The following ZDHHC13 variants were observed in gnomAD, a reference collection of about 807,000 sequenced individuals.
ZDHHC13 encodes the protein zDHHC palmitoyltransferase 13.
A neutral mutation model predicts 86.0 loss-of-function variants in ZDHHC13; 85 were observed. The ratio of observed to expected loss-of-function variants is 0.99; its 90% CI spans 0.83 to 1.18. The LOEUF is 1.18. ZDHHC13 is among the 50% of genes most tolerant of loss of function. ZDHHC13 has a pLI of 0.00. For missense variants in ZDHHC13, 711 were observed against 730.2 expected, an observed-to-expected ratio of 0.97 and a Z score of 0.30; for synonymous variants, 263 against 246.4, an observed-to-expected ratio of 1.07 and a Z score of -0.63.
intron 2 of ZDHHC13, 58 bp from the exon 3 acceptor site, chr11:19,146,123 T>G: frequency 6.7e-7 from 1 of 1,492,056 alleles, no homozygotes; most frequent in Non-Finnish European, 9.0e-7. Flanking sequence ...GTGAAGAAAT[T>G]TTGATATTTG....
intron 1 of ZDHHC13, among the ~76,000 whole-genome samples, chr11:19,126,342 C>CTT (rs10629803): frequency 0.59 from 79,380 of 135,424 alleles, 24,734 homozygotes; most frequent in Non-Finnish European, 0.69. Context: ...TTTTCTTTTT[C>CTT]TTTTTTTTTT....
At chr11:19,135,509 A>G (rs1230265370) in intron 1 of ZDHHC13, among the ~76,000 whole-genome samples, 2 of 152,334 alleles carry the variant, frequency 1.3e-5, no homozygotes, top group East Asian at 1.9e-4. Context: ...GGCGCCCGCC[A>G]TTGCCCAGGC....
intron 10 of ZDHHC13, 75 bp downstream of exon 10, chr11:19,159,115 G>T (rs1318947868): frequency 1.1e-5 from 12 of 1,116,458 alleles, no homozygotes; most frequent in Non-Finnish European, 1.5e-5. Flanking sequence ...TAGGAATTTA[G>T]GTATTGGAAA....
intron 1 of ZDHHC13, among the ~76,000 whole-genome samples, chr11:19,135,832 G>A (rs1015060802): frequency 9.2e-5 from 14 of 152,174 alleles, no homozygotes; most frequent in African/African-American, 2.7e-4. Flanking sequence ...TCACATGGCC[G>A]GGTACTCCAA....
chr11:19,162,872 C>A (rs1849951035), intron 10 of ZDHHC13, among the ~76,000 whole-genome samples: 1 of 152,098 alleles, frequency 6.6e-6, no homozygotes, highest in Non-Finnish European at 1.5e-5. Flanking sequence ...TGTCTTTCTG[C>A]AAACATGTAT....
intron 8 of ZDHHC13, among the ~76,000 whole-genome samples, chr11:19,154,272 G>T (rs1226499757): frequency 6.6e-6 from 1 of 152,058 alleles, no homozygotes; most frequent in Non-Finnish European, 1.5e-5. Context: ...AATGAATAGG[G>T]CAGCTTGTCT....
In ZDHHC13 at chr11:19,159,033, T is replaced by A. The variant is rs1255511288; in HGVS notation, c.1101T>A (p.Phe367Leu). The change falls in exon 10 of 17, where the codon TTT (phenylalanine) becomes TTA (leucine). Residue 367 changes from phenylalanine (F) to leucine (L), a missense_variant. Phe to Leu is a conservative substitution (Grantham distance 22, BLOSUM62 0). Transcript: ENST00000446113. ...TATTTATGACTTGGTTCATCTTATT[T>A]TTTCCTGATATCCTTTAAGCATCAA... is the stretch of plus-strand genomic sequence containing the variant. ...FWIFMTWFIL[F>L]FPDLAGAPFY... 2.6e-6 allele frequency: 4 copies of A among 1,545,076 alleles called. No individual in the cohort carries two copies. In the African/African-American group the frequency reaches 5.5e-5, roughly 21 times the overall value.
In ZDHHC13 at chr11:19,173,813, C is replaced by A. The variant is rs143377611; in HGVS notation, c.1730+993C>A. Reference sequence around the variant, plus strand: ...GATAGAGTTGGAATTTGAAGCTGAGCCTTGAGAGATGTGGGGCAGGGCACA... The same window carrying A: ...GATAGAGTTGGAATTTGAAGCTGAGACTTGAGAGATGTGGGGCAGGGCACA... On this transcript the variant is annotated intron_variant, in intron 16 of 16. Transcript: ENST00000446113. Among the ~76,000 whole-genome samples the A allele has an allele frequency of 6.8e-3, 1,034 of 152,194 alleles. 12 individuals carry two copies. Among genetic ancestry groups the A allele is most frequent in the African/African-American group, 0.023 (973 of 41,510 alleles).
Position 19,117,318 on chromosome 11 carries a change from G to A in ZDHHC13, c.27+42G>A. Reference sequence around the variant, plus strand: ...GGTGGCTGTCCTGGGGGCCGGGAGAGCGGCTGCAGCTGTGGAGGAAAGGAT... The same window carrying A: ...GGTGGCTGTCCTGGGGGCCGGGAGAACGGCTGCAGCTGTGGAGGAAAGGAT... On this transcript the variant is annotated intron_variant, in intron 1 of 16. Coordinates refer to ENST00000446113, the MANE Select transcript of ZDHHC13 (RefSeq NM_019028.3). The surrounding 1 kb of genome is among the most constrained non-coding windows in gnomAD (Gnocchi z 4.2). The A allele has an allele frequency of 2.1e-6, 3 of 1,438,468 alleles. No individual in the cohort carries two copies. The highest frequency in any genetic ancestry group is 2.7e-6 in the Non-Finnish European group (3 of 1,096,004). 89.1% of individuals were successfully genotyped at this position (1,438,468 alleles called of 1,614,324 possible).
At chr11:19,163,466 T>C (rs879164842) in intron 11 of ZDHHC13, 39 bp downstream of exon 11, 1 of 1,543,880 alleles carries the variant, frequency 6.5e-7, no homozygotes, top group Non-Finnish European at 8.7e-7. Context: ...AATAGGAGGG[T>C]TTGTAAACTT....
intron 16 of ZDHHC13, among the ~76,000 whole-genome samples, chr11:19,175,478 T>TAATC (rs1444313717): frequency 1.4e-5 from 2 of 147,830 alleles, no homozygotes; most frequent in East Asian, 4.1e-4. Context: ...GCCTTTGAGG[T>TAATC]AATCAAGGTC....
At chr11:19,137,519 G>A (rs1385391039) in intron 1 of ZDHHC13, among the ~76,000 whole-genome samples, 1 of 151,350 alleles carries the variant, frequency 6.6e-6, no homozygotes, top group Non-Finnish European at 1.5e-5. Flanking sequence ...GAGACAGAAA[G>A]TCAACAAGGA....
Position 19,117,183 on chromosome 11 carries a change from C to T in ZDHHC13, c.-67C>T. ...AAGTGGGAGAAGAGGCGACCCAAGG[C>T]GGGCTGGCGGGCTGGCGGCAGTCGC... On this transcript the variant is annotated 5_prime_UTR_variant, in exon 1 of 17. Transcript: ENST00000446113. This position sits in a 1 kb window ranked among gnomAD's most constrained non-coding sequence, Gnocchi z 4.2. 8 of 1,512,286 alleles carry T rather than the reference C, an allele frequency of 5.3e-6. No homozygotes were observed. The highest frequency in any genetic ancestry group is 7.1e-6 in the Non-Finnish European group (8 of 1,127,218). The allele number at this position is 1,512,286 out of a possible 1,614,324, so 93.7% of individuals were successfully genotyped here.
intron 1 of ZDHHC13, among the ~76,000 whole-genome samples, chr11:19,138,117 T>A (rs1156699486): frequency 2.0e-5 from 3 of 151,844 alleles, no homozygotes; most frequent in Non-Finnish European, 4.4e-5. Flanking sequence ...AATTAATGAA[T>A]ACAGGAGCTG....
Position 19,175,885 on chromosome 11 carries a change from C to G in ZDHHC13, c.1794C>G (p.Pro598=), listed in dbSNP as rs768712498. Residue 598 remains proline (P), a synonymous_variant, in exon 17 of 17, where the codon CCC becomes CCG. Coordinates refer to ENST00000446113, the MANE Select transcript of ZDHHC13 (RefSeq NM_019028.3). ...GTGGCTGCTTTGGCTTGGTGAAGCC[C>G]TGTGTGGTAGATTGGACATCACAGT... ...FQCGCFGLVK[P]CVVDWTSQYT... 1 of 1,613,682 alleles carries G rather than the reference C, an allele frequency of 6.2e-7. No individual in the cohort carries two copies. The highest frequency in any genetic ancestry group is 8.5e-7 in the Non-Finnish European group (1 of 1,179,784).
intron 1 of ZDHHC13, among the ~76,000 whole-genome samples, chr11:19,129,908 C>A (rs753883021): frequency 8.6e-5 from 13 of 151,978 alleles, no homozygotes; most frequent in African/African-American, 3.1e-4. Context: ...CTGGCTAACA[C>A]GGTGAAACCC....
chr11:19,135,421 T>C (rs568437073), intron 1 of ZDHHC13, among the ~76,000 whole-genome samples: 1 of 152,338 alleles, frequency 6.6e-6, no homozygotes, highest in South Asian at 2.1e-4. Flanking sequence ...CGGAGGGGCC[T>C]ACGCCCATGG....
At chr11:19,128,181 G>C (rs917356952) in intron 1 of ZDHHC13, among the ~76,000 whole-genome samples, 4 of 152,122 alleles carry the variant, frequency 2.6e-5, no homozygotes, top group African/African-American at 9.7e-5. Flanking sequence ...CTGATTAGCT[G>C]TATTCCTAGG....
rs574710517 is a variant in ZDHHC13, at chr11:19,146,659, C to T, written c.296+356C>T. Among the ~76,000 whole-genome samples, 18 of 152,044 alleles carry T rather than the reference C, an allele frequency of 1.2e-4. No individual in the cohort carries two copies. In the South Asian group the frequency reaches 1.7e-3, roughly 14 times the overall value. ...TGAAATATTTTACATTTTAATACCA[C>T]GAAGAATAGATAGGTAGGAGATTTA... On this transcript the variant is annotated intron_variant, in intron 3 of 16. Transcript: ENST00000446113.
Sources: gnomAD v4.1 joint callset for allele counts (sites outside exome capture counted in the v4.1 genomes callset) on GRCh38, gnomAD v4.1.1 for gene constraint, Gnocchi (gnomAD v3.1) non-coding constraint, MANE v1.5 for transcripts, NCBI Gene and HGNC (gene_info 2026-07-23, HGNC 2026-07-21) for gene names.